The following ARID1B variants were observed in gnomAD, a reference collection of about 807,000 sequenced individuals.
The protein encoded by ARID1B is AT-rich interactive domain-containing protein 1B.
In ARID1B, 30 loss-of-function variants were observed where a neutral mutation model predicts 212.3. That is an observed-to-expected ratio of 0.14 (90% CI 0.11 to 0.19). ARID1B has a LOEUF of 0.19. Ranked by LOEUF, ARID1B falls within the 10% of genes least tolerant of loss-of-function variation. ARID1B has a pLI of 1.00. For missense variants in ARID1B, 2,891 were observed against 3,204.0 expected, an observed-to-expected ratio of 0.90 and a Z score of 2.36; for synonymous variants, 1,402 against 1,301.7, an observed-to-expected ratio of 1.08 and a Z score of -1.66.
rs1264030998 is a variant in ARID1B, at chr6:157,179,992, CATAA to C, written c.3505-971_3505-968del. Among the ~76,000 whole-genome samples, 6 of 152,196 alleles carry C rather than the reference CATAA, an allele frequency of 3.9e-5. No homozygotes were observed. In the East Asian group the frequency reaches 7.7e-4, roughly 20 times the overall value. On this transcript the variant is annotated intron_variant, in intron 11 of 19. Transcript: ENST00000636930. ...TATTGCAAATAATAACCTAGGTATG[CATAA>C]ATAAAGTAAATTATTGTTCCAAGAA...
chr6:156,976,570 AAGGGGAG>A (rs1421802536), intron 4 of ARID1B, among the ~76,000 whole-genome samples: 1 of 151,538 alleles, frequency 6.6e-6, no homozygotes, highest in African/African-American at 2.4e-5. Context: ...AAAAGAAAGA[AAGGGGAG>A]AGGGTAACAC....
intron 9 of ARID1B, chr6:157,172,844 G>A (rs1001988590): frequency 6.7e-6 from 1 of 149,428 alleles, no homozygotes; most frequent in Admixed American, 6.7e-5. Context: ...CATGTGTCCC[G>A]CCTTGGTTGA....
At chr6:157,008,048 C>T (rs557080815) in intron 4 of ARID1B, among the ~76,000 whole-genome samples, 15 of 152,256 alleles carry the variant, frequency 9.9e-5, no homozygotes, top group African/African-American at 2.9e-4. Context: ...CATTTAAATT[C>T]GGCAAATAAG....
intron 8 of ARID1B, among the ~76,000 whole-genome samples, chr6:157,161,057 T>G (rs556877631): frequency 4.7e-4 from 72 of 152,248 alleles, no homozygotes; most frequent in Non-Finnish European, 8.1e-4. Flanking sequence ...CTTAAAATAC[T>G]CATCTTGGAC....
intron 5 of ARID1B, among the ~76,000 whole-genome samples, chr6:157,086,829 G>C (rs1253834571): frequency 1.3e-5 from 2 of 152,180 alleles, no homozygotes; most frequent in African/African-American, 4.8e-5. Context: ...TGGTTCAGTT[G>C]GTTTGCACAG....
chr6:156,790,844 C>T (rs1280170616), intron 1 of ARID1B, among the ~76,000 whole-genome samples: 1 of 152,152 alleles, frequency 6.6e-6, no homozygotes, highest in African/African-American at 2.4e-5. Flanking sequence ...TGATATTGGT[C>T]GGAGACACAA....
chr6:156,959,605 G>A (rs999314856), intron 4 of ARID1B, among the ~76,000 whole-genome samples: 2 of 152,082 alleles, frequency 1.3e-5, no homozygotes, highest in African/African-American at 2.4e-5. Context: ...GAGGGTTGTA[G>A]TGTTCTATTA....
chr6:156,805,672 A>G (rs751512711), intron 1 of ARID1B, among the ~76,000 whole-genome samples: 1 of 152,044 alleles, frequency 6.6e-6, no homozygotes, highest in Non-Finnish European at 1.5e-5. Flanking sequence ...AATTACATAT[A>G]CTTTGCAACT....
chr6:157,089,813 G>A (rs1047066164), intron 5 of ARID1B, among the ~76,000 whole-genome samples: 2 of 152,138 alleles, frequency 1.3e-5, no homozygotes, highest in Non-Finnish European at 2.9e-5. Context: ...TGTAATGTCA[G>A]GTACAGTTAA....
At chr6:156,978,111 T>G (rs1777376832) in intron 4 of ARID1B, among the ~76,000 whole-genome samples, 1 of 152,220 alleles carries the variant, frequency 6.6e-6, no homozygotes, top group Non-Finnish European at 1.5e-5. Flanking sequence ...GAGGGAAGAC[T>G]GCCAATACCA....
intron 4 of ARID1B, among the ~76,000 whole-genome samples, chr6:157,069,531 C>T (rs1175640948): frequency 6.6e-6 from 1 of 152,206 alleles, no homozygotes; most frequent in East Asian, 1.9e-4. Flanking sequence ...CCCACTTTTC[C>T]TCACCAATGT....
At chr6:157,069,423 GT>G (rs1783876598) in intron 4 of ARID1B, among the ~76,000 whole-genome samples, 1 of 152,126 alleles carries the variant, frequency 6.6e-6, no homozygotes, top group East Asian at 1.9e-4. Context: ...TTAATATGAT[GT>G]TTGCAACGTA....
intron 2 of ARID1B, among the ~76,000 whole-genome samples, chr6:156,872,806 G>A (rs1786248173): frequency 6.7e-6 from 1 of 148,554 alleles, no homozygotes; most frequent in Admixed American, 6.7e-5. Context: ...AGTGGATGTT[G>A]TTCGTGAGCC....
rs574085375 is a variant in ARID1B at position 157,072,905 on chromosome 6, C to T, written c.2248-11757C>T. Reference sequence around the variant, plus strand: ...AGCAAAGACTTGAACCAAGGCTTTACAACCTGGGCTGGTTCCCTTCTCTAG... The same window carrying T: ...AGCAAAGACTTGAACCAAGGCTTTATAACCTGGGCTGGTTCCCTTCTCTAG... On this transcript the variant is annotated intron_variant, in intron 4 of 19. Coordinates refer to ENST00000636930, the MANE Select transcript of ARID1B (RefSeq NM_001374828.1). Among the ~76,000 whole-genome samples, 167 of 152,304 alleles carry T rather than the reference C, an allele frequency of 1.1e-3. No individual in the cohort carries two copies. The Middle Eastern group carries it at 0.034, about 31-fold the overall frequency.
At chr6:157,164,655 G>A (rs1791196216) in intron 8 of ARID1B, 1 of 152,096 alleles carries the variant, frequency 6.6e-6, no homozygotes, top group Non-Finnish European at 1.5e-5. Context: ...TCATGTGCAA[G>A]GGATTAATTA....
At chr6:156,819,712 G>A (rs1782222584) in intron 1 of ARID1B, among the ~76,000 whole-genome samples, 1 of 152,142 alleles carries the variant, frequency 6.6e-6, no homozygotes, top group African/African-American at 2.4e-5. Flanking sequence ...CTAGGCTGGG[G>A]GACAGACATT....
intron 4 of ARID1B, among the ~76,000 whole-genome samples, chr6:157,025,953 C>G (rs1780632946): frequency 6.7e-6 from 1 of 150,290 alleles, no homozygotes; most frequent in African/African-American, 2.5e-5. Context: ...GAGGTGGAGT[C>G]TCGCCCTGTT....
At chr6:157,059,304 G>A (rs868603942) in intron 4 of ARID1B, among the ~76,000 whole-genome samples, 3 of 152,120 alleles carry the variant, frequency 2.0e-5, no homozygotes, top group Non-Finnish European at 4.4e-5. Flanking sequence ...AGAAGCTGGT[G>A]AAATTACTCC....
At chr6:157,073,033 C>T (rs964234917) in intron 4 of ARID1B, among the ~76,000 whole-genome samples, 1 of 151,648 alleles carries the variant, frequency 6.6e-6, no homozygotes, top group Admixed American at 6.6e-5. Flanking sequence ...TTGCCTAATA[C>T]ATAATTATCT....
Sources: allele counts gnomAD v4.1 joint callset (sites outside exome capture counted in the v4.1 genomes callset), GRCh38; gene constraint gnomAD v4.1.1; transcripts MANE v1.5; gene names NCBI Gene and HGNC (gene_info 2026-07-23, HGNC 2026-07-21).